GLIS3: variants seen among roughly 807,000 people sequenced by gnomAD.
GLIS3 encodes the protein GLIS family zinc finger 3.
In GLIS3, 53 loss-of-function variants were observed where a neutral mutation model predicts 78.6. That is an observed-to-expected ratio of 0.67 (90% CI 0.54 to 0.85). The LOEUF (loss-of-function observed/expected upper bound fraction) is 0.85, where lower values mean the gene tolerates loss of function less well. Ranked by LOEUF, GLIS3 falls within the 40% of genes least tolerant of loss-of-function variation. The pLI is 0.00. For synonymous variants in GLIS3, 684 were observed against 509.9 expected, an observed-to-expected ratio of 1.34 and a Z score of -4.60; for missense variants, 1,703 against 1,231.1, an observed-to-expected ratio of 1.38 and a Z score of -5.74.
At chr9:4,477,536 T>C in the GLIS3 span, among the ~76,000 whole-genome samples, 1 of 152,170 alleles carries the variant, frequency 6.6e-6, no homozygotes, top group Admixed American at 6.5e-5. Context: ...CCCCTCGGTC[T>C]CTGGAGTAGC....
intron 4 of GLIS3, among the ~76,000 whole-genome samples, chr9:4,053,892 T>TTTGTTCC (rs2130497779): frequency 6.6e-6 from 1 of 152,238 alleles, no homozygotes; most frequent in Non-Finnish European, 1.5e-5. Flanking sequence ...CGGCAATCTG[T>TTTGTTCC]TGTTTTTGTT....
the GLIS3 span, among the ~76,000 whole-genome samples, chr9:4,365,365 G>A: frequency 6.6e-6 from 1 of 151,988 alleles, no homozygotes; most frequent in African/African-American, 2.4e-5. Context: ...AGACTAGCCT[G>A]GCCAATATGG....
chr9:4,396,869 T>C, the GLIS3 span, among the ~76,000 whole-genome samples: 3 of 152,112 alleles, frequency 2.0e-5, no homozygotes, highest in African/African-American at 7.2e-5. Context: ...TGAGTACGTC[T>C]GAGCAAGTCT....
At chr9:4,063,413 G>T (rs371688892) in intron 4 of GLIS3, among the ~76,000 whole-genome samples, 1 of 152,010 alleles carries the variant, frequency 6.6e-6, no homozygotes, top group African/African-American at 2.4e-5. Flanking sequence ...CACCAAGAGT[G>T]GCTTACCCTA....
the GLIS3 span, among the ~76,000 whole-genome samples, chr9:4,483,779 C>T: frequency 6.6e-6 from 1 of 151,378 alleles, no homozygotes; most frequent in Admixed American, 6.6e-5. Context: ...AGAGCCAGAC[C>T]ATCTGGCTCA....
the GLIS3 span, among the ~76,000 whole-genome samples, chr9:4,401,005 A>C: frequency 0.017 from 2,525 of 152,276 alleles, 78 homozygotes; most frequent in African/African-American, 0.057. Context: ...GGCTATGATG[A>C]AACATTCTTC....
upstream of GLIS3, among the ~76,000 whole-genome samples, chr9:4,351,465 G>A (rs933641964): frequency 5.3e-5 from 8 of 150,326 alleles, no homozygotes; most frequent in African/African-American, 2.0e-4. Flanking sequence ...TTTAGTGCTT[G>A]AGTTCATTAC....
At chr9:3,846,339 T>G (rs931365832) in intron 9 of GLIS3, among the ~76,000 whole-genome samples, 2 of 152,186 alleles carry the variant, frequency 1.3e-5, no homozygotes, top group Non-Finnish European at 2.9e-5. Context: ...TGATACTCAC[T>G]AGGTATATGA....
intron 4 of GLIS3, among the ~76,000 whole-genome samples, chr9:4,101,598 G>A (rs1478353117): frequency 6.6e-6 from 1 of 152,092 alleles, no homozygotes; most frequent in Non-Finnish European, 1.5e-5. Flanking sequence ...TTTTTCTAGG[G>A]TAATACATGT....
At chr9:4,265,151 A>C (rs13290535) in intron 2 of GLIS3, among the ~76,000 whole-genome samples, 1 of 148,658 alleles carries the variant, frequency 6.7e-6, no homozygotes, top group Non-Finnish European at 1.5e-5. Flanking sequence ...CAAACTGGGC[A>C]ACAGAGTGAG....
the GLIS3 span, among the ~76,000 whole-genome samples, chr9:4,417,113 C>A: frequency 6.6e-6 from 1 of 152,046 alleles, no homozygotes; most frequent in Non-Finnish European, 1.5e-5. Flanking sequence ...TACACTTTTC[C>A]GTCTATTAGT....
At chr9:4,395,530 C>A in the GLIS3 span, among the ~76,000 whole-genome samples, 1 of 152,110 alleles carries the variant, frequency 6.6e-6, no homozygotes, top group Non-Finnish European at 1.5e-5. Flanking sequence ...TCCTGCAACT[C>A]CTGAGTCATT....
intron 2 of GLIS3, among the ~76,000 whole-genome samples, chr9:4,209,790 T>C (rs990913448): frequency 7.0e-6 from 1 of 142,708 alleles, no homozygotes; most frequent in Non-Finnish European, 1.5e-5. Context: ...CTGTCCACTG[T>C]CCACCAGAAT....
intron 2 of GLIS3, among the ~76,000 whole-genome samples, chr9:4,200,344 A>G (rs1446990393): frequency 6.6e-6 from 1 of 152,202 alleles, no homozygotes; most frequent in Non-Finnish European, 1.5e-5. Context: ...CCAGAAATCC[A>G]TAAAGAATCA....
chr9:4,188,833 G>A (rs1478016869), intron 2 of GLIS3, among the ~76,000 whole-genome samples: 7 of 152,158 alleles, frequency 4.6e-5, no homozygotes, highest in East Asian at 1.9e-4. Flanking sequence ...CTGTGGGATC[G>A]GTGGTGATAT....
At chr9:4,310,224 G>A (rs565937305) in intron 3 of GLIS3, among the ~76,000 whole-genome samples, 1 of 152,208 alleles carries the variant, frequency 6.6e-6, no homozygotes, top group South Asian at 2.1e-4. Flanking sequence ...AGGGGTAGAT[G>A]GGCCTTTTTC....
chr9:4,442,314 A>G, the GLIS3 span, among the ~76,000 whole-genome samples: 21 of 151,920 alleles, frequency 1.4e-4, no homozygotes, highest in Non-Finnish European at 2.1e-4. Context: ...TTTCATTTCT[A>G]ATTTTATTTG....
chr9:4,350,809 GT>G (rs67515016), upstream of GLIS3, among the ~76,000 whole-genome samples: 23 of 139,108 alleles, frequency 1.7e-4, no homozygotes, highest in South Asian at 4.8e-4. Flanking sequence ...GTTTTGTTTT[GT>G]TTTTGTTTTT....
intron 4 of GLIS3, among the ~76,000 whole-genome samples, chr9:3,968,036 T>G (rs1427359729): frequency 6.6e-6 from 1 of 152,258 alleles, no homozygotes. Flanking sequence ...TCCCTTCCTT[T>G]TCGCCATAAA....
Sources: gnomAD v4.1 joint callset for allele counts (sites outside exome capture counted in the v4.1 genomes callset) on GRCh38, gnomAD v4.1.1 for gene constraint, MANE v1.5 for transcripts, NCBI Gene and HGNC (gene_info 2026-07-23, HGNC 2026-07-21) for gene names.